The following RHOQ variants were observed in gnomAD, a reference collection of about 807,000 sequenced individuals.
RHOQ encodes rho-related GTP-binding protein RhoQ.
RHOQ carries 7 observed loss-of-function variants against 25.8 expected under a neutral mutation model. The observed-to-expected ratio is 0.27, with a 90% CI of 0.15 to 0.51. The LOEUF (loss-of-function observed/expected upper bound fraction) is 0.51, where lower values mean the gene tolerates loss of function less well. RHOQ is among the 20% of genes least tolerant of loss of function. RHOQ has a pLI of 0.97. For synonymous variants in RHOQ, 97 were observed against 98.6 expected (o/e 0.98, Z 0.10); for missense variants, 165 against 260.6 (o/e 0.63, Z 2.53).
intron 2 of RHOQ, among the ~76,000 whole-genome samples, chr2:46,550,520 T>C (rs1392891384): frequency 6.6e-6 from 1 of 152,206 alleles, no homozygotes; most frequent in African/African-American, 2.4e-5. Context: ...CTCCGGCCTT[T>C]GCATGTTTCC....
At chr2:46,544,440 TC>T (rs1244132285) in intron 2 of RHOQ, among the ~76,000 whole-genome samples, 1 of 152,092 alleles carries the variant, frequency 6.6e-6, no homozygotes, top group Admixed American at 6.5e-5. Context: ...GAGGAGGGGT[TC>T]CCCCCGGCCC....
chr2:46,549,970 T>C (rs1267099236), intron 2 of RHOQ, among the ~76,000 whole-genome samples: 1 of 152,198 alleles, frequency 6.6e-6, no homozygotes, highest in Non-Finnish European at 1.5e-5. Context: ...TTCTTGTCTG[T>C]AATCTCAGTA....
chr2:46,543,963 A>C, intron 2 of RHOQ, 151 bp downstream of exon 2: 2 of 639,032 alleles, frequency 3.1e-6, no homozygotes, highest in Non-Finnish European at 5.6e-6. Flanking sequence ...GTAACAAGTC[A>C]GCAAATTAGG....
intron 2 of RHOQ, among the ~76,000 whole-genome samples, chr2:46,571,824 T>C (rs566628172): frequency 7.6e-4 from 115 of 152,312 alleles, no homozygotes; most frequent in African/African-American, 2.7e-3. Context: ...TTAAGAAATG[T>C]TTTGGATATG....
chr2:46,553,175 C>T (rs929141328), intron 2 of RHOQ, among the ~76,000 whole-genome samples: 2 of 152,158 alleles, frequency 1.3e-5, no homozygotes, highest in African/African-American at 2.4e-5. Context: ...CTTTCAGAGT[C>T]ACTGAATTAA....
At position 46,569,354 on chromosome 2, in the gene RHOQ, T is replaced by G. The variant is rs1291302325; in HGVS notation, c.202-6733T>G. 1 of 152,240 alleles carries G rather than the reference T, an allele frequency of 6.6e-6. No individual in the cohort carries two copies. Among genetic ancestry groups the G allele is most frequent in the Non-Finnish European group, 1.5e-5 (1 of 68,048 alleles). 9.4% of individuals were successfully genotyped at this position (152,240 alleles called of 1,614,324 possible). On this transcript the variant is annotated intron_variant, in intron 2 of 4. Coordinates refer to ENST00000238738, the MANE Select transcript of RHOQ (RefSeq NM_012249.4). The surrounding 1 kb of genome is among the most constrained non-coding windows in gnomAD (Gnocchi z 4.1). ...CCGTAGTGTGAACCTCCTCCCACAT[T>G]AAATCTGCTAGTAGGGCTGCTCACA...
intron 2 of RHOQ, among the ~76,000 whole-genome samples, chr2:46,574,805 T>C (rs906878241): frequency 6.6e-6 from 1 of 152,140 alleles, no homozygotes; most frequent in Non-Finnish European, 1.5e-5. Flanking sequence ...GAAAAATGCA[T>C]GAAAGGAAAA....
At chr2:46,563,196 T>G (rs953749458) in intron 2 of RHOQ, among the ~76,000 whole-genome samples, 2 of 152,140 alleles carry the variant, frequency 1.3e-5, no homozygotes, top group East Asian at 1.9e-4. Flanking sequence ...AGAGGGGTTG[T>G]GTGGGAGAGG....
In RHOQ at chr2:46,581,611, G is replaced by A. The variant is rs774619008; in HGVS notation, c.*528G>A. ...CCATACCTGAGGAGAGAATGTATGA[G>A]ATCAAAAAAGAACAAATGTTTTATT... On this transcript the variant is annotated 3_prime_UTR_variant, in exon 5 of 5. Transcript: ENST00000238738. 6 of 1,604,122 alleles carry A rather than the reference G, an allele frequency of 3.7e-6. No homozygotes were observed. In the South Asian group the frequency reaches 5.6e-5, roughly 15 times the overall value.
intron 4 of RHOQ, among the ~76,000 whole-genome samples, chr2:46,579,011 C>T (rs1669244866): frequency 6.6e-6 from 1 of 152,102 alleles, no homozygotes; most frequent in South Asian, 2.1e-4. Context: ...TAGGGACGTA[C>T]TTAGAGCTAC....
chr2:46,581,938 A>G lies in RHOQ; in HGVS notation c.*855A>G, dbSNP rs1360953385. 1 of 194,872 alleles carries G rather than the reference A, an allele frequency of 5.1e-6. No homozygotes were observed. The highest frequency in any genetic ancestry group is 5.6e-5 in the Admixed American group (1 of 17,858). The allele number at this position is 194,872 out of a possible 1,614,324, so 12.1% of individuals were successfully genotyped here. Reference sequence around the variant, plus strand: ...ACTAGTTGGTAATTTTTTTTTTTTAATTCCCACTTTGGCTGTGTACATCAA... The same window carrying G: ...ACTAGTTGGTAATTTTTTTTTTTTAGTTCCCACTTTGGCTGTGTACATCAA... On this transcript the variant is annotated 3_prime_UTR_variant, in exon 5 of 5. Transcript: ENST00000238738.
rs1225257147 is a variant in RHOQ, at chr2:46,576,339, G to A, written c.366+88G>A. On this transcript the variant is annotated intron_variant, in intron 3 of 4. Transcript: ENST00000238738. The surrounding 1 kb of genome is among the most constrained non-coding windows in gnomAD (Gnocchi z 5.1). ...CTCAGACAAACAGTCCCAAAGCTGA[G>A]CAAATGATGTAAGTGTTTAATCTCA... 2.6e-6 allele frequency: 3 copies of A among 1,165,412 alleles called. No homozygotes were observed. The African/African-American group carries it at 4.7e-5, about 18-fold the overall frequency. 72.2% of individuals were successfully genotyped at this position (1,165,412 alleles called of 1,614,324 possible). A position where few individuals can be genotyped will look rare whatever the true frequency, so the allele number is the denominator to read the frequency against.
chr2:46,545,689 A>G (rs776764660), intron 2 of RHOQ, among the ~76,000 whole-genome samples: 7 of 152,122 alleles, frequency 4.6e-5, no homozygotes, highest in Non-Finnish European at 8.8e-5. Context: ...TGAAGTAGTT[A>G]TACACACAGG....
rs969022395 is a variant in RHOQ at position 46,557,747 on chromosome 2, C to T, written c.201+13935C>T. Among the ~76,000 whole-genome samples the T allele has an allele frequency of 3.3e-4, 50 of 152,174 alleles. 1 individual carries two copies. Among genetic ancestry groups the T allele is most frequent in the African/African-American group, 1.1e-3 (46 of 41,444 alleles). ...CTCTTTACTTCTCCTGCAGAAAAGA[C>T]ATTTCCCACTACCCTGAGACAACCA... On this transcript the variant is annotated intron_variant, in intron 2 of 4. Transcript: ENST00000238738.
At chr2:46,557,037 ATGAAAACACACTCTGTAAAGACATG>A (rs1558685123) in intron 2 of RHOQ, among the ~76,000 whole-genome samples, 1 of 152,256 alleles carries the variant, frequency 6.6e-6, no homozygotes, top group African/African-American at 2.4e-5. Flanking sequence ...CAAATAGCCA[ATGAAAACACACTCTGTAAAGACATG>A]TGAATAAAAA....
At chr2:46,549,287 G>A (rs916983881) in intron 2 of RHOQ, among the ~76,000 whole-genome samples, 4 of 152,230 alleles carry the variant, frequency 2.6e-5, no homozygotes, top group Non-Finnish European at 2.9e-5. Flanking sequence ...GTCAGTTGCT[G>A]TGGGTGCTGT....
intron 2 of RHOQ, among the ~76,000 whole-genome samples, chr2:46,547,258 C>A (rs1359972329): frequency 6.6e-6 from 1 of 152,230 alleles, no homozygotes; most frequent in Non-Finnish European, 1.5e-5. Flanking sequence ...CAGTTTGGAA[C>A]CTCTAGTCCA....
chr2:46,570,393 T>C (rs1022012021), intron 2 of RHOQ, among the ~76,000 whole-genome samples: 2 of 152,010 alleles, frequency 1.3e-5, no homozygotes, highest in East Asian at 3.9e-4. Flanking sequence ...TGAGCCGAGA[T>C]TGTGCTATTG....
At chr2:46,564,169 G>A (rs1668658529) in intron 2 of RHOQ, among the ~76,000 whole-genome samples, 1 of 152,014 alleles carries the variant, frequency 6.6e-6, no homozygotes, top group Non-Finnish European at 1.5e-5. Context: ...GCCAGATGTG[G>A]TAGCACGTAC....
Sources: allele counts gnomAD v4.1 joint callset (sites outside exome capture counted in the v4.1 genomes callset), GRCh38; gene constraint gnomAD v4.1.1; non-coding constraint Gnocchi (gnomAD v3.1); transcripts MANE v1.5; gene names NCBI Gene and HGNC (gene_info 2026-07-23, HGNC 2026-07-21).